ATRX: variants seen among roughly 807,000 people sequenced by gnomAD.
The protein encoded by ATRX is ATRX chromatin remodeler, also known as chromatin remodeler ATRX.
Under a neutral mutation model 172.6 loss-of-function variants are expected in ATRX, and 12 were observed. The observed-to-expected ratio is 0.07, with a 90% confidence interval of 0.04 to 0.11. The LOEUF is 0.11. Among genes scored for constraint, ATRX ranks in the 10% least tolerant of loss-of-function variants. The probability of loss-of-function intolerance (pLI) is 1.00; values close to 1 mark genes in which losing one functional copy is unlikely to be tolerated. For missense variants in ATRX, 1,368 were observed against 1,767.4 expected, an observed-to-expected ratio of 0.77 and a Z score of 4.05; for synonymous variants, 674 against 594.7, an observed-to-expected ratio of 1.13 and a Z score of -1.94.
chrX:77,549,408 C>T (rs2064378985), intron 30 of ATRX, among the ~76,000 whole-genome samples: 1 of 111,236 alleles, frequency 9.0e-6, no homozygotes, highest in Non-Finnish European at 1.9e-5. Flanking sequence ...ATGACCTTGA[C>T]CAAAATTTTC....
intron 2 of ATRX, among the ~76,000 whole-genome samples, chrX:77,712,562 C>G (rs1321333972): frequency 1.8e-5 from 2 of 112,308 alleles, no homozygotes; most frequent in South Asian, 3.7e-4. Context: ...TGGTGGCTCA[C>G]GCCTGTAATC....
At chrX:77,509,082 C>T (rs1056512653) in intron 34 of ATRX, among the ~76,000 whole-genome samples, 1 of 111,825 alleles carries the variant, frequency 8.9e-6, no homozygotes, top group African/African-American at 3.2e-5. Flanking sequence ...TGTAAAACCA[C>T]ATAACCCTGC....
chrX:77,733,980 G>T (rs1470541761), intron 1 of ATRX, among the ~76,000 whole-genome samples: 1 of 109,447 alleles, frequency 9.1e-6, no homozygotes. Flanking sequence ...GAGGTGAGCA[G>T]ATCACAAGGT....
chrX:77,664,833 C>A (rs2148499571), intron 10 of ATRX, 55 bp from the exon 11 acceptor site: 1 of 1,043,840 alleles, frequency 9.6e-7, no homozygotes, highest in Non-Finnish European at 1.3e-6. Context: ...TGAAATACAC[C>A]AAATTAAAAA....
At chrX:77,721,811 G>GA (rs1314933573) in intron 1 of ATRX, among the ~76,000 whole-genome samples, 2 of 110,366 alleles carry the variant, frequency 1.8e-5, no homozygotes, top group Non-Finnish European at 1.9e-5. Context: ...CACAGAATTG[G>GA]AAAAAAAAGC....
chrX:77,661,415 C>T (rs1317222725), intron 12 of ATRX, among the ~76,000 whole-genome samples: 3 of 106,773 alleles, frequency 2.8e-5, no homozygotes, highest in South Asian at 4.2e-4. Context: ...TTTGGGAGGC[C>T]GAGGTAGGTG....
At chrX:77,767,376 A>AC (rs1356372397) in intron 1 of ATRX, among the ~76,000 whole-genome samples, 9 of 110,481 alleles carry the variant, frequency 8.1e-5, no homozygotes, top group Non-Finnish European at 1.7e-4. Flanking sequence ...TCTGGAAAAG[A>AC]CCATCTATCC....
intron 27 of ATRX, among the ~76,000 whole-genome samples, chrX:77,579,638 A>C (rs782073445): frequency 1.6e-4 from 18 of 112,122 alleles, no homozygotes; most frequent in Non-Finnish European, 3.2e-4. Context: ...CTAAAAAGTT[A>C]GATCACAACA....
chrX:77,556,379 G>A (rs1460370867), intron 30 of ATRX, among the ~76,000 whole-genome samples: 1 of 62,245 alleles, frequency 1.6e-5, no homozygotes, highest in Non-Finnish European at 3.0e-5. Context: ...GAGAGGGGAA[G>A]AGGGAGAGGG....
Position 77,541,226 on chromosome X carries a change from G to T in ATRX, c.6699+16225C>A, listed in dbSNP as rs183264848. 3.6e-4 allele frequency among the ~76,000 whole-genome samples: 40 copies of T among 112,147 alleles called. No individual in the cohort carries two copies. In the Admixed American group the frequency reaches 3.6e-3, roughly 10 times the overall value. On this transcript the variant is annotated intron_variant, in intron 30 of 34. Coordinates refer to ENST00000373344, the MANE Select transcript of ATRX (RefSeq NM_000489.6). ...TAAACTAGAAAATCTAGAAGAAATG[G>T]ATGAATTCCTGGACACATGCACCCT...
intron 30 of ATRX, among the ~76,000 whole-genome samples, chrX:77,551,944 G>A (rs2064547892): frequency 9.0e-6 from 1 of 111,716 alleles, no homozygotes; most frequent in Admixed American, 9.5e-5. Flanking sequence ...CAGTTGGAAT[G>A]GCAATCATCA....
At chrX:77,668,725 TAA>T (rs1424527826) in intron 10 of ATRX, among the ~76,000 whole-genome samples, 1 of 109,757 alleles carries the variant, frequency 9.1e-6, no homozygotes, top group Non-Finnish European at 1.9e-5. Context: ...CCACATATAC[TAA>T]GTCTTCCAAA....
At chrX:77,717,076 T>TA (rs1275950533) in intron 2 of ATRX, 55 bp downstream of exon 2, 3,033 of 826,554 alleles carry the variant, frequency 3.7e-3, no homozygotes, top group Non-Finnish European at 4.2e-3. Flanking sequence ...TCCATAAGTG[T>TA]AAAAAAAAAA....
In ATRX at chrX:77,683,108, C is replaced by T. The variant is rs2148605719; in HGVS notation, c.2148G>A (p.Leu716=). 1.7e-6 allele frequency: 2 copies of T among 1,210,746 alleles called. No homozygotes were observed. The highest frequency in any genetic ancestry group is 3.5e-5 in the African/African-American group (2 of 57,725). Residue 716 remains leucine, a synonymous_variant, in exon 9 of 35, where the codon TTG becomes TTA. Coordinates refer to ENST00000373344, the MANE Select transcript of ATRX (RefSeq NM_000489.6). ...CAGTCTCTGATTGCTTAGATTTTGG[C>T]AATTTATTAGGCTTAGGATTATCTA... The part of the protein sequence containing the change: ...SAIDNPKPNK[L]PKSKQSETVD...
chrX:77,785,273 T>G (rs1261134635), intron 1 of ATRX, among the ~76,000 whole-genome samples: 3 of 111,004 alleles, frequency 2.7e-5, no homozygotes, highest in African/African-American at 9.8e-5. Context: ...GGGAAACACT[T>G]GAGGTCCCAT....
intron 1 of ATRX, among the ~76,000 whole-genome samples, chrX:77,771,325 G>A (rs189450928): frequency 3.1e-4 from 33 of 106,966 alleles, no homozygotes; most frequent in African/African-American, 1.0e-3. Context: ...GCAGTGAGCC[G>A]AGTGAGGCAC....
intron 1 of ATRX, among the ~76,000 whole-genome samples, chrX:77,785,470 A>G (rs1202960): frequency 0.44 from 47,772 of 107,676 alleles, 9,601 homozygotes; most frequent in Non-Finnish European, 0.59. Context: ...GGGCTGCAGA[A>G]AAAAAATCCC....
intron 22 of ATRX, among the ~76,000 whole-genome samples, chrX:77,614,947 T>C (rs183441730): frequency 9.0e-6 from 1 of 110,896 alleles, no homozygotes; most frequent in African/African-American, 3.3e-5. Context: ...CTCAAAAGAG[T>C]AGAGCTTAAC....
intron 10 of ATRX, among the ~76,000 whole-genome samples, chrX:77,672,084 T>A (rs1199386769): frequency 9.1e-6 from 1 of 110,467 alleles, no homozygotes; most frequent in Non-Finnish European, 1.9e-5. Context: ...GAAAAAAAAA[T>A]TACCGTAAAA....
Sources: gnomAD v4.1 joint callset for allele counts (sites outside exome capture counted in the v4.1 genomes callset) on GRCh38, gnomAD v4.1.1 for gene constraint, MANE v1.5 for transcripts, NCBI Gene and HGNC (gene_info 2026-07-23, HGNC 2026-07-21) for gene names.